Variants in INO80D observed in about 807,000 individuals in gnomAD.
The protein encoded by INO80D is INO80 complex subunit D.
A neutral mutation model predicts 87.6 loss-of-function variants in INO80D; 21 were observed. The observed-to-expected ratio is 0.24, with a 90% CI of 0.17 to 0.35. INO80D has a LOEUF of 0.35. INO80D is among the 10% of genes least tolerant of loss of function. INO80D has a pLI of 1.00. For missense variants in INO80D, 982 were observed against 1,280.7 expected (o/e 0.77, Z 3.56); for synonymous variants, 440 against 491.0 (o/e 0.90, Z 1.37).
rs1687952812 is a variant in INO80D at position 206,003,969 on chromosome 2, C to T, written c.*399G>A. 1.0e-5 allele frequency: 2 copies of T among 198,690 alleles called. No homozygotes were observed. The highest frequency in any genetic ancestry group is 2.3e-4 in the South Asian group (2 of 8,648). The allele number at this position is 198,690 out of a possible 1,614,324, so 12.3% of individuals were successfully genotyped here. The stretch of plus-strand genomic sequence containing the variant: ...TATACAGGAACTCAATTAATAAGAT[C>T]ATTCTATCTAGAACCACCTATGTAA... On this transcript the variant is annotated 3_prime_UTR_variant, in exon 11 of 11. Coordinates refer to ENST00000403263, the MANE Select transcript of INO80D (RefSeq NM_017759.5).
intron 6 of INO80D, among the ~76,000 whole-genome samples, chr2:206,020,519 A>G (rs1356581249): frequency 6.6e-6 from 1 of 152,194 alleles, no homozygotes; most frequent in Non-Finnish European, 1.5e-5. Flanking sequence ...GAAATGGCTG[A>G]GTGGCTTTTA....
At chr2:206,029,132 C>T (rs1688697529) in intron 5 of INO80D, among the ~76,000 whole-genome samples, 1 of 152,100 alleles carries the variant, frequency 6.6e-6, no homozygotes, top group African/African-American at 2.4e-5. Flanking sequence ...TTGTCATCCA[C>T]CTGTCTCGGC....
At chr2:206,051,461 T>TA in intron 4 of INO80D, among the ~76,000 whole-genome samples, 1 of 152,158 alleles carries the variant, frequency 6.6e-6, no homozygotes, top group East Asian at 1.9e-4. Context: ...AAAAAGCTCT[T>TA]ACCAATCAAT....
intron 1 of INO80D, among the ~76,000 whole-genome samples, chr2:206,073,989 G>A (rs920665851): frequency 6.6e-6 from 1 of 151,928 alleles, no homozygotes; most frequent in Non-Finnish European, 1.5e-5. Context: ...GATTACAGGC[G>A]TGAACCACCA....
intron 8 of INO80D, among the ~76,000 whole-genome samples, chr2:206,015,246 C>G (rs1688286393): frequency 6.6e-6 from 1 of 152,312 alleles, no homozygotes; most frequent in South Asian, 2.1e-4. Flanking sequence ...GCATAATTAA[C>G]AAGGAGCTGA....
At position 205,997,682 on chromosome 2, in the gene INO80D, T is replaced by C. The variant is rs766941730; in HGVS notation, c.*6686A>G. ...TGATCTTAGAACCTCCTGTTTCTCATGTCATTTTATGAACATAGCATAATA... is the reference window on the plus strand; with the variant it reads ...TGATCTTAGAACCTCCTGTTTCTCACGTCATTTTATGAACATAGCATAATA... On this transcript the variant is annotated 3_prime_UTR_variant, in exon 11 of 11. Coordinates refer to ENST00000403263, the MANE Select transcript of INO80D (RefSeq NM_017759.5). 6.6e-6 allele frequency: 1 copy of C among 152,196 alleles called. No homozygotes were observed. The highest frequency in any genetic ancestry group is 2.4e-5 in the African/African-American group (1 of 41,460). The allele number at this position is 152,196 out of a possible 1,614,324, so 9.4% of individuals were successfully genotyped here.
At chr2:206,058,746 CA>C (rs61085820) in intron 3 of INO80D, among the ~76,000 whole-genome samples, 84 of 149,574 alleles carry the variant, frequency 5.6e-4, no homozygotes, top group African/African-American at 2.0e-3. Context: ...AAACAAACAA[CA>C]AAAAAAAACA....
rs745826945 is a variant in INO80D at position 206,062,803 on chromosome 2, G to A, written c.214C>T (p.Arg72Cys). Residue 72 changes from arginine to cysteine, a missense_variant, in exon 3 of 11, where the codon CGT (arginine) becomes TGT (cysteine). Coordinates refer to ENST00000403263, the MANE Select transcript of INO80D (RefSeq NM_017759.5). This position sits in a 1 kb window ranked among gnomAD's most constrained non-coding sequence, Gnocchi z 4.6. ...ATTCTCATGATTAGCCCTTACCTAC[G>A]ATCCTCTGATTTGGGGATGGGGTTG... ...CTNPIPKSED[R>C]RYCNSHLQVL... 69 of 1,602,474 alleles carry A rather than the reference G, an allele frequency of 4.3e-5. 1 individual carries two copies. The highest frequency in any genetic ancestry group is 3.4e-6 in the Non-Finnish European group (4 of 1,176,522).
At chr2:206,048,203 C>T (rs1689251673) in intron 4 of INO80D, among the ~76,000 whole-genome samples, 1 of 151,944 alleles carries the variant, frequency 6.6e-6, no homozygotes, top group Admixed American at 6.6e-5. Flanking sequence ...GCTCCATTAT[C>T]TAAAACAAGG....
chr2:206,069,525 C>T (rs1370509371), intron 1 of INO80D, among the ~76,000 whole-genome samples: 2 of 151,960 alleles, frequency 1.3e-5, no homozygotes, highest in Non-Finnish European at 2.9e-5. Flanking sequence ...GCGAGTGGAT[C>T]ACCTGAGGTC....
chr2:206,050,424 G>A (rs1177089072), intron 4 of INO80D, among the ~76,000 whole-genome samples: 2 of 149,574 alleles, frequency 1.3e-5, no homozygotes, highest in Non-Finnish European at 3.0e-5. Context: ...CCCGGGAGGC[G>A]GAGGTTGCAG....
intron 4 of INO80D, among the ~76,000 whole-genome samples, chr2:206,049,960 C>T (rs1477993633): frequency 6.6e-6 from 1 of 151,278 alleles, no homozygotes; most frequent in African/African-American, 2.4e-5. Flanking sequence ...GGTGAAACCC[C>T]ATCTCTACTA....
At chr2:206,039,806 T>A (rs1688992930) in intron 5 of INO80D, among the ~76,000 whole-genome samples, 1 of 84,774 alleles carries the variant, frequency 1.2e-5, no homozygotes. Flanking sequence ...TGAGCCTCTG[T>A]CTCCAAAAAA....
At chr2:206,038,043 C>T (rs537903903) in intron 5 of INO80D, among the ~76,000 whole-genome samples, 53 of 152,166 alleles carry the variant, frequency 3.5e-4, no homozygotes, top group African/African-American at 1.2e-3. Context: ...TTCACATAGA[C>T]GTAGAGAATG....
rs1448663165 is a variant in INO80D, at chr2:205,997,799, T to C, written c.*6569A>G. On this transcript the variant is annotated 3_prime_UTR_variant, in exon 11 of 11. Coordinates refer to ENST00000403263, the MANE Select transcript of INO80D (RefSeq NM_017759.5). ...CATAATGATTAATTTGGTGTATTTA[T>C]ACAACAGAGACAATGAGAAAGTAAC... is the stretch of plus-strand genomic sequence containing the variant. 1 of 152,204 alleles carries C rather than the reference T, an allele frequency of 6.6e-6. No individual in the cohort carries two copies. The highest frequency in any genetic ancestry group is 1.5e-5 in the Non-Finnish European group (1 of 68,002). The allele number at this position is 152,204 out of a possible 1,614,324, so 9.4% of individuals were successfully genotyped here.
chr2:206,006,559 T>G (rs1378858908), intron 10 of INO80D, among the ~76,000 whole-genome samples: 2 of 151,860 alleles, frequency 1.3e-5, no homozygotes, highest in South Asian at 4.2e-4. Flanking sequence ...GGCAGACACC[T>G]GTAATCCCAG....
At chr2:206,068,253 C>A (rs536744912) in intron 1 of INO80D, among the ~76,000 whole-genome samples, 27 of 152,178 alleles carry the variant, frequency 1.8e-4, no homozygotes, top group African/African-American at 6.5e-4. Context: ...TATGTGCCAC[C>A]ATATCTGGCT....
intron 8 of INO80D, among the ~76,000 whole-genome samples, chr2:206,016,870 G>GC (rs1227931064): frequency 6.6e-6 from 1 of 152,034 alleles, no homozygotes; most frequent in Admixed American, 6.5e-5. Flanking sequence ...ACTCCTCCTT[G>GC]CCTTCCACCA....
intron 5 of INO80D, among the ~76,000 whole-genome samples, chr2:206,045,207 G>C (rs754557813): frequency 3.9e-5 from 6 of 152,080 alleles, no homozygotes; most frequent in Non-Finnish European, 8.8e-5. Context: ...TTCCTGTGTA[G>C]TTTTGTTTAG....
Sources: gnomAD v4.1 joint callset for allele counts (sites outside exome capture counted in the v4.1 genomes callset) on GRCh38, gnomAD v4.1.1 for gene constraint, Gnocchi (gnomAD v3.1) non-coding constraint, MANE v1.5 for transcripts, NCBI Gene and HGNC (gene_info 2026-07-23, HGNC 2026-07-21) for gene names.